Variants in AUTS2 observed in about 807,000 individuals in gnomAD.
AUTS2 encodes the protein activator of transcription and developmental regulator AUTS2.
A neutral mutation model predicts 112.4 loss-of-function variants in AUTS2; 17 were observed. The ratio of observed to expected loss-of-function variants is 0.15; its 90% CI spans 0.10 to 0.23. The LOEUF (loss-of-function observed/expected upper bound fraction) is 0.23. Ranked by LOEUF, AUTS2 falls within the 10% of genes least tolerant of loss-of-function variation. The pLI, the probability that AUTS2 is intolerant of heterozygous loss-of-function variation, is 1.00. For missense variants in AUTS2, 1,510 were observed against 1,701.6 expected, an observed-to-expected ratio of 0.89 and a Z score of 1.98; for synonymous variants, 751 against 702.7, an observed-to-expected ratio of 1.07 and a Z score of -1.09.
intron 5 of AUTS2, among the ~76,000 whole-genome samples, chr7:70,539,531 G>A (rs1800459060): frequency 6.6e-6 from 1 of 152,116 alleles, no homozygotes; most frequent in South Asian, 2.1e-4. Context: ...AGTTTCCAAT[G>A]AGGATTTAAT....
At chr7:70,084,028 T>C (rs1803457068) in intron 2 of AUTS2, among the ~76,000 whole-genome samples, 1 of 151,946 alleles carries the variant, frequency 6.6e-6, no homozygotes, top group South Asian at 2.1e-4. Flanking sequence ...CCACCTCCCT[T>C]CCATCTCCAC....
chr7:69,862,725 A>G (rs1322703520), intron 1 of AUTS2, among the ~76,000 whole-genome samples: 1 of 152,146 alleles, frequency 6.6e-6, no homozygotes, highest in Non-Finnish European at 1.5e-5. Context: ...GATCTGGGCC[A>G]TTGGAGGCGA....
At chr7:70,369,609 G>A (rs1382514740) in intron 4 of AUTS2, among the ~76,000 whole-genome samples, 1 of 152,042 alleles carries the variant, frequency 6.6e-6, no homozygotes, top group African/African-American at 2.4e-5. Context: ...AAGAGGAGAT[G>A]ATTAGATCAA....
chr7:69,851,002 C>A (rs1160203417), intron 1 of AUTS2, among the ~76,000 whole-genome samples: 1 of 152,034 alleles, frequency 6.6e-6, no homozygotes, highest in East Asian at 1.9e-4. Flanking sequence ...AATGTATGAC[C>A]CATTTTAAAT....
chr7:70,397,211 G>A (rs932854809), intron 4 of AUTS2, among the ~76,000 whole-genome samples: 1 of 151,860 alleles, frequency 6.6e-6, no homozygotes, highest in Non-Finnish European at 1.5e-5. Flanking sequence ...TTACAGAGGT[G>A]TGCCACCATG....
intron 5 of AUTS2, among the ~76,000 whole-genome samples, chr7:70,619,715 A>T (rs916884126): frequency 6.6e-6 from 1 of 151,926 alleles, no homozygotes; most frequent in African/African-American, 2.4e-5. Context: ...GGTAAGGGAG[A>T]ATTGCCTGTT....
At chr7:70,270,775 A>G (rs1481484219) in intron 4 of AUTS2, among the ~76,000 whole-genome samples, 1 of 152,142 alleles carries the variant, frequency 6.6e-6, no homozygotes, top group Non-Finnish European at 1.5e-5. Context: ...TTCTGAAGAC[A>G]GGTTTTTGAA....
intron 1 of AUTS2, among the ~76,000 whole-genome samples, chr7:69,836,831 G>A (rs540814558): frequency 3.0e-4 from 46 of 152,258 alleles, no homozygotes; most frequent in African/African-American, 1.1e-3. Context: ...GGTATTGACC[G>A]CTATAGTGTG....
Position 70,684,533 on chromosome 7 carries a change from ATGTGG to A in AUTS2, c.691-14025_691-14021del, listed in dbSNP as rs781514987. Among the ~76,000 whole-genome samples, 314 of 145,288 alleles carry A rather than the reference ATGTGG, an allele frequency of 2.2e-3. 3 individuals carry two copies. Among genetic ancestry groups the A allele is most frequent in the Non-Finnish European group, 3.3e-3 (221 of 66,612 alleles). On this transcript the variant is annotated intron_variant, in intron 5 of 18. Coordinates refer to ENST00000342771, the MANE Select transcript of AUTS2 (RefSeq NM_015570.4). ...GTGTGGTGTGGTATGGTGTGGCGTGATGTGGTGTGGTGTGGCGTGGCGTGGCGTGT... is the reference window on the plus strand; with the variant it reads ...GTGTGGTGTGGTATGGTGTGGCGTGATGTGGTGTGGCGTGGCGTGGCGTGT...
At chr7:70,194,687 T>G (rs1810083914) in intron 4 of AUTS2, 1 of 152,198 alleles carries the variant, frequency 6.6e-6, no homozygotes, top group Admixed American at 6.5e-5. Flanking sequence ...GGTTTTAACT[T>G]TGAAGATAAT....
At chr7:70,489,659 A>G (rs1186737934) in intron 5 of AUTS2, among the ~76,000 whole-genome samples, 1 of 152,264 alleles carries the variant, frequency 6.6e-6, no homozygotes, top group African/African-American at 2.4e-5. Flanking sequence ...CACATTTGAC[A>G]AATGTTTCTT....
intron 2 of AUTS2, among the ~76,000 whole-genome samples, chr7:69,906,708 G>A (rs1445689942): frequency 6.6e-6 from 1 of 152,172 alleles, no homozygotes; most frequent in Non-Finnish European, 1.5e-5. Context: ...TGCCCAATTT[G>A]TAATTCATTT....
At chr7:69,964,838 C>T (rs1380477191) in intron 2 of AUTS2, among the ~76,000 whole-genome samples, 1 of 151,912 alleles carries the variant, frequency 6.6e-6, no homozygotes, top group Non-Finnish European at 1.5e-5. Context: ...ACCTTCCAAC[C>T]CCATAATTCC....
At chr7:70,014,184 T>TCTA (rs1799928103) in intron 2 of AUTS2, among the ~76,000 whole-genome samples, 1 of 152,218 alleles carries the variant, frequency 6.6e-6, no homozygotes, top group Non-Finnish European at 1.5e-5. Flanking sequence ...TCTAGTTAGA[T>TCTA]ACTGTTCCCT....
chr7:70,511,666 C>T (rs1474483681), intron 5 of AUTS2, among the ~76,000 whole-genome samples: 1 of 148,152 alleles, frequency 6.7e-6, no homozygotes, highest in Non-Finnish European at 1.5e-5. Flanking sequence ...ATCTCTGCCT[C>T]CCAGGTTCAA....
chr7:70,574,406 A>C (rs1802074817), intron 5 of AUTS2, among the ~76,000 whole-genome samples: 1 of 152,146 alleles, frequency 6.6e-6, no homozygotes. Context: ...TTTTTTCTAA[A>C]GATCCCCTTG....
chr7:69,925,262 T>C (rs1795964051), intron 2 of AUTS2, among the ~76,000 whole-genome samples: 2 of 152,324 alleles, frequency 1.3e-5, no homozygotes, highest in South Asian at 4.1e-4. Flanking sequence ...TTATATTTCA[T>C]TGATTTCCTT....
At chr7:70,585,384 G>A (rs574166828) in intron 5 of AUTS2, among the ~76,000 whole-genome samples, 6 of 152,232 alleles carry the variant, frequency 3.9e-5, no homozygotes, top group East Asian at 1.9e-4. Flanking sequence ...CAGGAGGGTC[G>A]CTAGAGCTAC....
At chr7:69,764,711 A>C (rs998820394) in intron 1 of AUTS2, among the ~76,000 whole-genome samples, 2 of 152,360 alleles carry the variant, frequency 1.3e-5, no homozygotes, top group South Asian at 2.1e-4. Context: ...AGAAAATTGC[A>C]CTTCACTATC....
Sources: gnomAD v4.1 joint callset for allele counts (sites outside exome capture counted in the v4.1 genomes callset) on GRCh38, gnomAD v4.1.1 for gene constraint, MANE v1.5 for transcripts, NCBI Gene and HGNC (gene_info 2026-07-23, HGNC 2026-07-21) for gene names.